Variants in LINGO2 observed in about 807,000 individuals in gnomAD.
LINGO2 encodes the protein leucine rich repeat and Ig domain containing 2.
In LINGO2, 14 loss-of-function variants were observed where a neutral mutation model predicts 30.6. The observed-to-expected ratio is 0.46, with a 90% CI of 0.30 to 0.72. The LOEUF (loss-of-function observed/expected upper bound fraction) is 0.72, where lower values mean the gene tolerates loss of function less well. LINGO2 is among the 30% of genes least tolerant of loss of function. The pLI, the probability that LINGO2 is intolerant of heterozygous loss-of-function variation, is 0.07. For missense variants in LINGO2, 729 were observed against 751.7 expected, an observed-to-expected ratio of 0.97 and a Z score of 0.35; for synonymous variants, 317 against 288.5, an observed-to-expected ratio of 1.10 and a Z score of -1.00.
the LINGO2 span, among the ~76,000 whole-genome samples, chr9:29,188,014 C>CTTTTTTTTTTTTT: frequency 2.1e-4 from 16 of 75,774 alleles, no homozygotes; most frequent in African/African-American, 3.9e-4. Context: ...TTGACAGAGT[C>CTTTTTTTTTTTTT]TTTTTTTTTT....
chr9:28,755,262 A>C, the LINGO2 span, among the ~76,000 whole-genome samples: 1 of 152,130 alleles, frequency 6.6e-6, no homozygotes, highest in Non-Finnish European at 1.5e-5. Flanking sequence ...TAATTAGGAC[A>C]CAGAATGGAA....
the LINGO2 span, among the ~76,000 whole-genome samples, chr9:28,691,558 T>C: frequency 2.0e-5 from 3 of 151,422 alleles, no homozygotes; most frequent in African/African-American, 4.8e-5. Flanking sequence ...ACTTCTCTAT[T>C]GCATCCTTAA....
At chr9:29,002,034 C>T in the LINGO2 span, among the ~76,000 whole-genome samples, 1 of 151,964 alleles carries the variant, frequency 6.6e-6, no homozygotes, top group African/African-American at 2.4e-5. Context: ...TTTCTTATTT[C>T]TACAAGTACT....
the LINGO2 span, among the ~76,000 whole-genome samples, chr9:28,890,673 T>C: frequency 6.6e-6 from 1 of 152,070 alleles, no homozygotes; most frequent in African/African-American, 2.4e-5. Context: ...TATATTAAAA[T>C]TGTTGAATAT....
At chr9:27,941,811 C>A in the LINGO2 span, 2 of 152,108 alleles carry the variant, frequency 1.3e-5, no homozygotes, top group Non-Finnish European at 2.9e-5. Context: ...TTCTCTTTCC[C>A]TTTTTTCAAT....
At chr9:28,820,583 A>C in the LINGO2 span, among the ~76,000 whole-genome samples, 2 of 152,200 alleles carry the variant, frequency 1.3e-5, no homozygotes, top group Admixed American at 1.3e-4. Context: ...AAGATTTTAA[A>C]ATTGAGGGCA....
chr9:28,025,137 C>A (rs1378086025), intron 4 of LINGO2, among the ~76,000 whole-genome samples: 2 of 152,148 alleles, frequency 1.3e-5, no homozygotes, highest in Non-Finnish European at 2.9e-5. Context: ...CTGAGAAACG[C>A]AGGTCACTGC....
rs17836384 is a variant in LINGO2, at chr9:28,107,139, T to G, written c.-86-94734A>C. Among the ~76,000 whole-genome samples, 37 of 152,274 alleles carry G rather than the reference T, an allele frequency of 2.4e-4. No homozygotes were observed. In the East Asian group the frequency reaches 6.6e-3, roughly 27 times the overall value. ...TGCTGCCTTCTATTATACGTTCTCA[T>G]AGCACTACACAACTCTCTTGCACAA... is the stretch of plus-strand genomic sequence containing the variant. On this transcript the variant is annotated intron_variant, in intron 4 of 5. Transcript: ENST00000379992.
chr9:28,942,062 C>T, the LINGO2 span, among the ~76,000 whole-genome samples: 2 of 152,004 alleles, frequency 1.3e-5, no homozygotes, highest in African/African-American at 4.8e-5. Flanking sequence ...ACGTTTTTAT[C>T]CCCCAGGACG....
chr9:28,603,094 G>T, intron 1 of LINGO2, among the ~76,000 whole-genome samples: 1 of 152,012 alleles, frequency 6.6e-6, no homozygotes, highest in East Asian at 1.9e-4. Flanking sequence ...TTGAGCCAAA[G>T]TTTCTGCTTT....
chr9:29,174,913 C>G, the LINGO2 span, among the ~76,000 whole-genome samples: 42 of 152,210 alleles, frequency 2.8e-4, no homozygotes, highest in African/African-American at 9.6e-4. Flanking sequence ...ATGGGCCAGA[C>G]CAGGGTTTGA....
At chr9:29,067,694 G>T in the LINGO2 span, among the ~76,000 whole-genome samples, 1 of 150,218 alleles carries the variant, frequency 6.7e-6, no homozygotes, top group Admixed American at 6.7e-5. Flanking sequence ...TTCAAGAGAG[G>T]CAGGAAGTAC....
At chr9:28,176,479 G>A (rs571301261) in intron 4 of LINGO2, among the ~76,000 whole-genome samples, 3 of 151,976 alleles carry the variant, frequency 2.0e-5, no homozygotes, top group Non-Finnish European at 4.4e-5. Context: ...ATATCATTGG[G>A]GGTAAAATAA....
chr9:29,004,566 G>A, the LINGO2 span, among the ~76,000 whole-genome samples: 2 of 151,914 alleles, frequency 1.3e-5, no homozygotes, highest in Admixed American at 6.6e-5. Flanking sequence ...ACTATATTAT[G>A]TAATTCTATA....
intron 4 of LINGO2, among the ~76,000 whole-genome samples, chr9:28,185,319 T>C (rs1266663143): frequency 6.6e-6 from 1 of 152,204 alleles, no homozygotes; most frequent in Non-Finnish European, 1.5e-5. Context: ...CTTATGTTAC[T>C]TTACTATTGT....
intron 4 of LINGO2, among the ~76,000 whole-genome samples, chr9:28,056,552 G>C (rs919050211): frequency 2.0e-5 from 3 of 152,040 alleles, no homozygotes; most frequent in Non-Finnish European, 4.4e-5. Flanking sequence ...TTTGCATACA[G>C]CTCAGACCTG....
At chr9:28,936,927 C>G in the LINGO2 span, among the ~76,000 whole-genome samples, 3 of 152,172 alleles carry the variant, frequency 2.0e-5, no homozygotes, top group Non-Finnish European at 4.4e-5. Flanking sequence ...TACTGGCTTT[C>G]AGATGACTGC....
chr9:28,743,512 C>T, the LINGO2 span, among the ~76,000 whole-genome samples: 1 of 151,982 alleles, frequency 6.6e-6, no homozygotes, highest in Non-Finnish European at 1.5e-5. Context: ...GGGACATGAA[C>T]TCATCCTTTT....
the LINGO2 span, among the ~76,000 whole-genome samples, chr9:28,790,407 A>C: frequency 6.4e-3 from 907 of 141,038 alleles, 2 homozygotes; most frequent in Middle Eastern, 0.024. Context: ...CGGCTCACTG[A>C]AAGCTCCGCC....
Sources: allele counts gnomAD v4.1 joint callset (sites outside exome capture counted in the v4.1 genomes callset), GRCh38; gene constraint gnomAD v4.1.1; transcripts MANE v1.5; gene names NCBI Gene and HGNC (gene_info 2026-07-23, HGNC 2026-07-21).